KIF13B: variants seen among roughly 807,000 people sequenced by gnomAD.
KIF13B encodes kinesin-like protein KIF13B.
A neutral mutation model predicts 222.0 loss-of-function variants in KIF13B; 127 were observed. The observed-to-expected ratio is 0.57, with a 90% CI of 0.50 to 0.66. The LOEUF is 0.66. Ranked by LOEUF, KIF13B falls within the 30% of genes least tolerant of loss-of-function variation. The pLI is 0.00. For synonymous variants in KIF13B, 976 were observed against 919.0 expected, an observed-to-expected ratio of 1.06 and a Z score of -1.12; for missense variants, 2,173 against 2,379.0, an observed-to-expected ratio of 0.91 and a Z score of 1.80.
intron 14 of KIF13B, among the ~76,000 whole-genome samples, chr8:29,150,690 T>C (rs1214626835): frequency 6.6e-6 from 1 of 152,206 alleles, no homozygotes; most frequent in Non-Finnish European, 1.5e-5. Context: ...AAACAGCACG[T>C]GCTCACTTCA....
intron 2 of KIF13B, chr8:29,219,127 A>T (rs900388290): frequency 6.6e-6 from 1 of 152,248 alleles, no homozygotes; most frequent in Non-Finnish European, 1.5e-5. Flanking sequence ...AAGTTCCAGG[A>T]TCCCAACGCA....
chr8:29,127,060 C>A (rs1810144658), intron 25 of KIF13B, 62 bp downstream of exon 25: 2 of 1,521,914 alleles, frequency 1.3e-6, no homozygotes, highest in Non-Finnish European at 9.0e-7. Context: ...CGTACGGGTT[C>A]CAAAAGGCAC....
chr8:29,117,576 C>T (rs1328243306), intron 30 of KIF13B, among the ~76,000 whole-genome samples: 1 of 152,152 alleles, frequency 6.6e-6, no homozygotes, highest in South Asian at 2.1e-4. Flanking sequence ...TCACGCTTGA[C>T]CCTGCTGAAC....
At position 29,080,233 on chromosome 8, in the gene KIF13B, G is replaced by T. The variant is rs916761181; in HGVS notation, c.4459-4890C>A. On this transcript the variant is annotated intron_variant, in intron 37 of 39. Coordinates refer to ENST00000524189, the MANE Select transcript of KIF13B (RefSeq NM_015254.4). ...CACACCTATAGTCCGAACTACTTGG[G>T]AGCTGAGAATTGCTTGAGCCCAGAA... Among the ~76,000 whole-genome samples the T allele has an allele frequency of 2.7e-5, 4 of 149,504 alleles. No homozygotes were observed. The Admixed American group carries it at 2.7e-4, about 10-fold the overall frequency.
intron 35 of KIF13B, among the ~76,000 whole-genome samples, chr8:29,107,154 C>T (rs1196619400): frequency 1.3e-5 from 2 of 152,208 alleles, no homozygotes; most frequent in East Asian, 3.8e-4. Flanking sequence ...TTTCTTCTCA[C>T]AAATAATGTT....
At position 29,181,957 on chromosome 8, in the gene KIF13B, C is replaced by A; in HGVS notation, c.547G>T (p.Val183Phe). Residue 183 changes from valine to phenylalanine, a missense_variant, in exon 7 of 40, where the codon GTC becomes TTC. Around this residue, in one of 2 missense-constraint regions of KIF13B, gnomAD observed 1,480 missense variants for 1,722.8 expected, o/e 0.86. Coordinates refer to ENST00000524189, the MANE Select transcript of KIF13B (RefSeq NM_015254.4). ...VREHSVLGPY[V>F]DGLSKLAVTS... ...ACAGCCAGTTTAGAAAGTCCGTCGACATAAGGTCCCAACACACTATGCTCT... is the reference window on the plus strand; with the variant it reads ...ACAGCCAGTTTAGAAAGTCCGTCGAAATAAGGTCCCAACACACTATGCTCT... 2 of 1,613,712 alleles carry A rather than the reference C, an allele frequency of 1.2e-6. No homozygotes were observed. The highest frequency in any genetic ancestry group is 1.7e-6 in the Non-Finnish European group (2 of 1,179,742).
At chr8:29,077,056 G>A (rs1440894205) in intron 37 of KIF13B, among the ~76,000 whole-genome samples, 2 of 152,174 alleles carry the variant, frequency 1.3e-5, no homozygotes, top group Non-Finnish European at 2.9e-5. Flanking sequence ...AACCACTAGG[G>A]AGTTCCTGGG....
chr8:29,131,951 TATAAATGGA>T (rs1309523053), intron 23 of KIF13B, among the ~76,000 whole-genome samples: 1 of 152,184 alleles, frequency 6.6e-6, no homozygotes, highest in African/African-American at 2.4e-5. Flanking sequence ...TTTTAAAAAT[TATAAATGGA>T]ATCTAGCCAG....
intron 8 of KIF13B, 62 bp from the exon 9 acceptor site, chr8:29,177,640 G>T: frequency 1.8e-6 from 2 of 1,098,722 alleles, no homozygotes; most frequent in Non-Finnish European, 2.8e-6. Flanking sequence ...GGTGGCTCAT[G>T]CCAGTAATCC....
intron 30 of KIF13B, among the ~76,000 whole-genome samples, chr8:29,117,747 A>G (rs1809670363): frequency 6.6e-6 from 1 of 152,258 alleles, no homozygotes; most frequent in Non-Finnish European, 1.5e-5. Flanking sequence ...AATATATTTC[A>G]TAATTTTTCA....
chr8:29,123,293 C>G (rs950147611), intron 28 of KIF13B, 73 bp downstream of exon 28: 1 of 1,566,332 alleles, frequency 6.4e-7, no homozygotes, highest in Non-Finnish European at 8.7e-7. Flanking sequence ...CCGTAGCACA[C>G]GCAAAATTCA....
intron 12 of KIF13B, among the ~76,000 whole-genome samples, chr8:29,161,812 C>T (rs1406349660): frequency 6.6e-6 from 1 of 151,548 alleles, no homozygotes; most frequent in Non-Finnish European, 1.5e-5. Context: ...ACGTGTTCTA[C>T]TTCGTAACTG....
chr8:29,197,254 G>A (rs1306273899), intron 2 of KIF13B, among the ~76,000 whole-genome samples: 1 of 146,750 alleles, frequency 6.8e-6, no homozygotes, highest in Non-Finnish European at 1.5e-5. Context: ...GGAGAATGGC[G>A]TGAACCCGGG....
At chr8:29,224,023 G>C (rs7836516) in intron 2 of KIF13B, among the ~76,000 whole-genome samples, 21,363 of 143,562 alleles carry the variant, frequency 0.15, 1,599 homozygotes, top group Non-Finnish European at 0.16. Context: ...TTTTGAGACA[G>C]AGTCTCTCTC....
intron 2 of KIF13B, among the ~76,000 whole-genome samples, chr8:29,239,645 C>T (rs1044323980): frequency 6.6e-6 from 1 of 152,052 alleles, no homozygotes; most frequent in Admixed American, 6.6e-5. Flanking sequence ...ACACAATATA[C>T]CCTTGTTTTT....
intron 16 of KIF13B, 124 bp from the exon 17 acceptor site, chr8:29,147,726 T>C: frequency 2.8e-6 from 2 of 717,936 alleles, no homozygotes; most frequent in South Asian, 3.7e-5. Flanking sequence ...AAAGACAATT[T>C]GGCATAAACT....
chr8:29,150,868 T>C (rs1811265701), intron 14 of KIF13B, among the ~76,000 whole-genome samples: 1 of 152,142 alleles, frequency 6.6e-6, no homozygotes. Context: ...CACAACCATA[T>C]TGAAATTAGG....
chr8:29,155,365 G>A (rs1217151821), intron 14 of KIF13B, among the ~76,000 whole-genome samples: 1 of 152,188 alleles, frequency 6.6e-6, no homozygotes, highest in Non-Finnish European at 1.5e-5. Flanking sequence ...GAGTTAGCAG[G>A]TCAAAGGATT....
chr8:29,261,554 T>C (rs1393429014), intron 1 of KIF13B, among the ~76,000 whole-genome samples: 1 of 152,210 alleles, frequency 6.6e-6, no homozygotes, highest in Non-Finnish European at 1.5e-5. Context: ...TTCTTTAAAT[T>C]ATTGTGATGG....
Sources: gnomAD v4.1 joint callset for allele counts (sites outside exome capture counted in the v4.1 genomes callset) on GRCh38, gnomAD v4.1.1 for gene constraint, gnomAD v4.1.1 regional missense constraint, MANE v1.5 for transcripts, NCBI Gene and HGNC (gene_info 2026-07-23, HGNC 2026-07-21) for gene names.